The following EPHB4 variants were observed in gnomAD, a reference collection of about 807,000 sequenced individuals.
EPHB4 encodes ephrin type-B receptor 4.
A neutral mutation model predicts 110.6 loss-of-function variants in EPHB4; 50 were observed. That is an observed-to-expected ratio of 0.45 (90% CI 0.36 to 0.57). EPHB4 has a LOEUF of 0.57. Ranked by LOEUF, EPHB4 falls within the 20% of genes least tolerant of loss-of-function variation. The pLI is 0.00. For missense variants in EPHB4, 1,128 were observed against 1,382.1 expected (o/e 0.82, Z 2.91); for synonymous variants, 592 against 578.4 (o/e 1.02, Z -0.34).
At chr7:100,814,365 G>A (rs551353975) in intron 8 of EPHB4, among the ~76,000 whole-genome samples, 3 of 152,142 alleles carry the variant, frequency 2.0e-5, no homozygotes, top group South Asian at 2.1e-4. Flanking sequence ...TGCAATCTCC[G>A]CCTCCCGGGT....
At chr7:100,804,899 T>G (rs1412737220) in intron 16 of EPHB4, among the ~76,000 whole-genome samples, 2 of 152,256 alleles carry the variant, frequency 1.3e-5, no homozygotes, top group African/African-American at 4.8e-5. Flanking sequence ...CAAAGATAGC[T>G]AGAAGTGAGA....
intron 7 of EPHB4, among the ~76,000 whole-genome samples, chr7:100,818,119 G>A (rs560840510): frequency 5.3e-4 from 80 of 151,880 alleles, no homozygotes; most frequent in Non-Finnish European, 8.7e-4. Context: ...CGCCCACCTC[G>A]GCCTCCCAAA....
In EPHB4 at chr7:100,813,983, C is replaced by T. The variant is rs1001021630; in HGVS notation, c.1627G>A (p.Gly543Ser). 1 of 1,614,054 alleles carries T rather than the reference C, an allele frequency of 6.2e-7. No homozygotes were observed. The highest frequency in any genetic ancestry group is 8.5e-7 in the Non-Finnish European group (1 of 1,180,040). ...GWREQLALIAGTAVVGVVLVL... is the reference protein window; with the variant it reads ...GWREQLALIASTAVVGVVLVL... ...AGGACCACACCCACGACTGCCGTGCCCGCAATCAGGGCCAGCTGCTCCCGC... is the reference window on the plus strand; with the variant it reads ...AGGACCACACCCACGACTGCCGTGCTCGCAATCAGGGCCAGCTGCTCCCGC... The change falls in exon 9 of 17, where the codon GGC (glycine) becomes AGC (serine). Residue 543 changes from glycine (G) to serine (S), a missense_variant. Transcript: ENST00000358173.
chr7:100,821,541 T>A (rs1202804187), intron 4 of EPHB4, among the ~76,000 whole-genome samples: 1 of 148,408 alleles, frequency 6.7e-6, no homozygotes. Context: ...GGCAGGAGAA[T>A]GGTGTTAACT....
Position 100,827,105 on chromosome 7 carries a change from GC to G in EPHB4, c.-76del. ...CCCCCCCAGGTCTGACTCTCCCTGGGCGGGTGGACGCCGATACTCCGCGCGG... is the reference window on the plus strand; with the variant it reads ...CCCCCCCAGGTCTGACTCTCCCTGGGGGGTGGACGCCGATACTCCGCGCGG... On this transcript the variant is annotated 5_prime_UTR_variant, in exon 1 of 17. Coordinates refer to ENST00000358173, the MANE Select transcript of EPHB4 (RefSeq NM_004444.5). 2.7e-6 allele frequency: 4 copies of G among 1,489,748 alleles called. No individual in the cohort carries two copies. The highest frequency in any genetic ancestry group is 2.7e-6 in the Non-Finnish European group (3 of 1,102,130). 92.3% of individuals were successfully genotyped at this position (1,489,748 alleles called of 1,614,324 possible).
Position 100,823,741 on chromosome 7 carries a change from C to T in EPHB4, c.314G>A (p.Arg105His), listed in dbSNP as rs768500840. The T allele has an allele frequency of 8.7e-6, 14 of 1,613,522 alleles. No individual in the cohort carries two copies. Among genetic ancestry groups the T allele is most frequent in the South Asian group, 3.3e-5 (3 of 91,092 alleles). The change falls in exon 3 of 17, where the codon CGC becomes CAC. Residue 105 changes from arginine (R) to histidine (H), a missense_variant. This residue lies in a region of EPHB4 where 728 missense variants were observed against 828.6 expected (regional missense o/e 0.88). Coordinates refer to ENST00000358173, the MANE Select transcript of EPHB4 (RefSeq NM_004444.5). ...GACGGTGAAGGTCTCCTTGCAGGAG[C>T]GCCCAGCCCGAGGCAGGGACAGGCA... ...LECLSLPRAGRSCKETFTVFY... is the reference protein window; with the variant it reads ...LECLSLPRAGHSCKETFTVFY...
intron 4 of EPHB4, chr7:100,820,582 G>A: frequency 3.9e-6 from 1 of 259,428 alleles, no homozygotes; most frequent in Non-Finnish European, 7.2e-6. Flanking sequence ...TCTCTCCAGA[G>A]AAGGGGTCCT....
intron 10 of EPHB4, 120 bp downstream of exon 10, chr7:100,813,532 T>C: frequency 1.9e-6 from 2 of 1,041,128 alleles, no homozygotes; most frequent in Non-Finnish European, 2.8e-6. Flanking sequence ...GCCAGGCTGG[T>C]CTCGAACTCC....
rs535268697 is a variant in EPHB4 at position 100,803,632 on chromosome 7, T to C, written c.2835-42A>G. The C allele has an allele frequency of 1.7e-5, 26 of 1,553,068 alleles. No homozygotes were observed. The Admixed American group carries it at 4.3e-4, about 26-fold the overall frequency. ...GAGCTTGGTGAGACCCTAGGTTCCC[T>C]GTGGCCGCTCTCCTCTCTTGGCTCC... On this transcript the variant is annotated intron_variant, in intron 16 of 16. Transcript: ENST00000358173.
chr7:100,818,183 T>C (rs1393522507), intron 7 of EPHB4, among the ~76,000 whole-genome samples: 2 of 151,514 alleles, frequency 1.3e-5, no homozygotes, highest in African/African-American at 2.4e-5. Context: ...AAGTTTTTTA[T>C]AGAGATGAAG....
rs1813318748 is a variant in EPHB4, at chr7:100,824,333, C to T, written c.53-60G>A. 3 of 1,579,780 alleles carry T rather than the reference C, an allele frequency of 1.9e-6. No homozygotes were observed. The Admixed American group carries it at 5.0e-5, about 26-fold the overall frequency. ...GGTGGGGGAGGGAGGTCAGGAAGAC[C>T]AGATCCCTGGGAACCGAGGCAGGTG... On this transcript the variant is annotated intron_variant, in intron 1 of 16. Coordinates refer to ENST00000358173, the MANE Select transcript of EPHB4 (RefSeq NM_004444.5).
intron 13 of EPHB4, among the ~76,000 whole-genome samples, chr7:100,806,950 G>A (rs182983093): frequency 1.4e-4 from 22 of 152,202 alleles, no homozygotes; most frequent in African/African-American, 5.1e-4. Flanking sequence ...ATTTACAGGC[G>A]TGAGCCACCA....
rs373132175 is a variant in EPHB4, at chr7:100,822,707, C to A, written c.412-40G>T. The A allele has an allele frequency of 4.6e-5, 68 of 1,487,866 alleles. No homozygotes were observed. The African/African-American group carries it at 8.9e-4, about 19-fold the overall frequency. The allele number at this position is 1,487,866 out of a possible 1,614,324, so 92.2% of individuals were successfully genotyped here. A position where few individuals can be genotyped will look rare whatever the true frequency, so the allele number is the denominator to read the frequency against. Reference sequence around the variant, plus strand: ...GAGGCACACCGCTGCTGTCCCCACTCCCTGAGGACCCAGCGGACTGTTGTG... The same window carrying A: ...GAGGCACACCGCTGCTGTCCCCACTACCTGAGGACCCAGCGGACTGTTGTG... On this transcript the variant is annotated intron_variant, in intron 3 of 16. Transcript: ENST00000358173. This position sits in a 1 kb window ranked among gnomAD's most constrained non-coding sequence, Gnocchi z 4.7.
chr7:100,826,309 A>G (rs1467239657), intron 1 of EPHB4, among the ~76,000 whole-genome samples: 1 of 151,698 alleles, frequency 6.6e-6, no homozygotes, highest in Non-Finnish European at 1.5e-5. Context: ...GTCAGTTTCT[A>G]CCCGCTCCTA....
At position 100,810,048 on chromosome 7, in the gene EPHB4, G is replaced by A. The variant is rs1034675836; in HGVS notation, c.2119-2468C>T. ...GGGCAGATCACGAGGTCAGAAGTTC[G>A]AGACCATCCTGGCCAATATGGTGAA... On this transcript the variant is annotated intron_variant, in intron 12 of 16. Transcript: ENST00000358173. Among the ~76,000 whole-genome samples the A allele has an allele frequency of 2.6e-5, 4 of 152,100 alleles. No individual in the cohort carries two copies. The East Asian group carries it at 5.9e-4, about 22-fold the overall frequency.
intron 12 of EPHB4, 112 bp from the exon 13 acceptor site, chr7:100,807,692 A>T: frequency 8.9e-7 from 1 of 1,120,598 alleles, no homozygotes; most frequent in East Asian, 2.5e-5. Context: ...CCCAGGCTGG[A>T]GTGCAGTGGT....
chr7:100,806,908 G>A (rs1312919533), intron 13 of EPHB4, among the ~76,000 whole-genome samples: 2 of 152,126 alleles, frequency 1.3e-5, no homozygotes, highest in African/African-American at 4.8e-5. Context: ...GACCTCAGGC[G>A]ATCCTCCTGC....
In EPHB4 at chr7:100,822,207, C is replaced by G. The variant is rs938373000; in HGVS notation, c.808+64G>C. The G allele has an allele frequency of 6.7e-7, 1 of 1,499,206 alleles. No homozygotes were observed. Among genetic ancestry groups the G allele is most frequent in the East Asian group, 2.5e-5 (1 of 40,386 alleles). The allele number at this position is 1,499,206 out of a possible 1,614,324, so 92.9% of individuals were successfully genotyped here. ...AAAATGGAAACTTAAGAAGTGGGTC[C>G]TGAGTGGAGTTCAGGACTCTCCCCC... On this transcript the variant is annotated intron_variant, in intron 4 of 16. Transcript: ENST00000358173. This position sits in a 1 kb window ranked among gnomAD's most constrained non-coding sequence, Gnocchi z 4.7.
chr7:100,817,129 G>A, intron 8 of EPHB4, 63 bp downstream of exon 8: 1 of 1,405,364 alleles, frequency 7.1e-7, no homozygotes, highest in Non-Finnish European at 9.3e-7. Flanking sequence ...GGAGACCTGG[G>A]GTCTTCCCAG....
Sources: allele counts gnomAD v4.1 joint callset (sites outside exome capture counted in the v4.1 genomes callset), GRCh38; gene constraint gnomAD v4.1.1; regional missense constraint gnomAD v4.1.1; non-coding constraint Gnocchi (gnomAD v3.1); transcripts MANE v1.5; gene names NCBI Gene and HGNC (gene_info 2026-07-23, HGNC 2026-07-21).